Variants in PVT1 observed in about 807,000 individuals in gnomAD.
The protein encoded by PVT1 is CXCR4/PVT1 fusion.
chr8:127,981,669 A>C (rs1816884620), intron 3 of PVT1, among the ~76,000 whole-genome samples: 1 of 152,222 alleles, frequency 6.6e-6, no homozygotes, highest in Non-Finnish European at 1.5e-5. Context: ...GGAAAGTTTG[A>C]GGTAGAAGAC....
At chr8:127,904,731 C>T (rs1256191617) in intron 3 of PVT1, among the ~76,000 whole-genome samples, 4 of 152,272 alleles carry the variant, frequency 2.6e-5, no homozygotes, top group Admixed American at 6.5e-5. Flanking sequence ...AGACTGAGGC[C>T]GGTGATGGGG....
chr8:128,088,181 A>T (rs1034625503), intron 5 of PVT1, among the ~76,000 whole-genome samples: 1 of 152,074 alleles, frequency 6.6e-6, no homozygotes, highest in Non-Finnish European at 1.5e-5. Flanking sequence ...ATCAAGCCTC[A>T]CCCCATACCT....
At chr8:127,823,595 G>T (rs959351390) in intron 2 of PVT1, among the ~76,000 whole-genome samples, 1 of 152,126 alleles carries the variant, frequency 6.6e-6, no homozygotes, top group Middle Eastern at 3.4e-3. Context: ...TAGACTTCTG[G>T]ACCCTCAGCA....
At chr8:128,000,119 A>T (rs1817158190) in intron 4 of PVT1, among the ~76,000 whole-genome samples, 1 of 151,656 alleles carries the variant, frequency 6.6e-6, no homozygotes, top group Non-Finnish European at 1.5e-5. Flanking sequence ...TTTCCCTCCC[A>T]TGCCACTCCC....
intron 2 of PVT1, among the ~76,000 whole-genome samples, chr8:127,821,853 G>A (rs1162202783): frequency 1.3e-5 from 2 of 152,044 alleles, no homozygotes; most frequent in South Asian, 2.1e-4. Flanking sequence ...TGTGTAGTTT[G>A]CATTATATTT....
At chr8:128,068,150 AT>A (rs908115727) in intron 4 of PVT1, among the ~76,000 whole-genome samples, 2 of 148,388 alleles carry the variant, frequency 1.3e-5, no homozygotes, top group South Asian at 4.3e-4. Context: ...TGGACGTGAG[AT>A]TTTTTTTTTC....
At chr8:128,070,479 C>G (rs1813971792) in intron 5 of PVT1, 1 of 152,230 alleles carries the variant, frequency 6.6e-6, no homozygotes, top group Non-Finnish European at 1.5e-5. Flanking sequence ...TTCCCTCTGT[C>G]CTCGCCAGCA....
chr8:128,040,642 T>C (rs1206539320), intron 4 of PVT1, among the ~76,000 whole-genome samples: 1 of 152,226 alleles, frequency 6.6e-6, no homozygotes, highest in Non-Finnish European at 1.5e-5. Context: ...GAGACAATTG[T>C]GGGCAGAGAG....
chr8:128,038,033 A>T (rs532845912), intron 4 of PVT1, among the ~76,000 whole-genome samples: 22 of 152,348 alleles, frequency 1.4e-4, no homozygotes, highest in African/African-American at 4.8e-4. Context: ...GATCTGGGTC[A>T]CCAGGCTGAG....
chr8:127,944,033 T>C (rs1198578251), intron 3 of PVT1, among the ~76,000 whole-genome samples: 1 of 152,192 alleles, frequency 6.6e-6, no homozygotes, highest in Non-Finnish European at 1.5e-5. Flanking sequence ...AGGGGTTATA[T>C]TTATGAATAG....
At chr8:128,011,483 A>G (rs1817314424) in intron 4 of PVT1, among the ~76,000 whole-genome samples, 1 of 152,184 alleles carries the variant, frequency 6.6e-6, no homozygotes, top group Non-Finnish European at 1.5e-5. Flanking sequence ...TGAGGACACA[A>G]TGAGAAGGGA....
At chr8:127,812,284 A>AAGGC (rs1291966985) in intron 2 of PVT1, among the ~76,000 whole-genome samples, 1 of 149,544 alleles carries the variant, frequency 6.7e-6, no homozygotes, top group East Asian at 2.0e-4. Context: ...GGAAGGAAGG[A>AAGGC]AGGAAGAGAA....
chr8:127,803,321 A>C (rs995058293), intron 2 of PVT1: 1 of 151,816 alleles, frequency 6.6e-6, no homozygotes, highest in Admixed American at 6.6e-5. Context: ...AGTAGAGACG[A>C]GGTTTCACCA....
intron 4 of PVT1, among the ~76,000 whole-genome samples, chr8:128,013,263 A>G (rs1817335985): frequency 6.6e-6 from 1 of 151,712 alleles, no homozygotes. Flanking sequence ...GTGAGCATTA[A>G]CTCTTGGGAT....
chr8:127,948,134 T>C (rs1586450239), intron 3 of PVT1: 2 of 367,216 alleles, frequency 5.4e-6, no homozygotes, highest in East Asian at 1.4e-4. Context: ...AGTTCCAGAG[T>C]GACTTCCCGT....
intron 3 of PVT1, among the ~76,000 whole-genome samples, chr8:127,923,394 A>G (rs1816088874): frequency 6.6e-6 from 1 of 152,244 alleles, no homozygotes. Flanking sequence ...GTTGGATTCC[A>G]ACATTCATCT....
rs942510935 is a variant in PVT1, at chr8:127,887,660, G to A, written n.373-2929G>A. On this transcript the variant is annotated intron_variant and non_coding_transcript_variant, in intron 2 of 10. Coordinates refer to ENST00000651587, the Ensembl canonical transcript of PVT1. ...CGTTCCTCAGCCTCCCAGGTAGCTG[G>A]GATTACAGGCACCTGCCACCACACC... Among the ~76,000 whole-genome samples, 3 of 152,014 alleles carry A rather than the reference G, an allele frequency of 2.0e-5. No homozygotes were observed. The South Asian group carries it at 6.2e-4, about 32-fold the overall frequency.
At chr8:128,045,185 C>A (rs1813596500) in intron 4 of PVT1, among the ~76,000 whole-genome samples, 1 of 152,204 alleles carries the variant, frequency 6.6e-6, no homozygotes, top group South Asian at 2.1e-4. Flanking sequence ...CTATCACTGG[C>A]CCCACTTGTA....
chr8:128,083,150 A>G (rs143554514), intron 5 of PVT1, among the ~76,000 whole-genome samples: 19 of 152,304 alleles, frequency 1.2e-4, no homozygotes, highest in Middle Eastern at 3.4e-3. Flanking sequence ...CGCTTTTCTC[A>G]TGTATAAAAT....
Sources: allele counts gnomAD v4.1 joint callset (sites outside exome capture counted in the v4.1 genomes callset), GRCh38; gene constraint gnomAD v4.1.1; transcripts MANE v1.5; gene names NCBI Gene and HGNC (gene_info 2026-07-23, HGNC 2026-07-21).